Variants in CCDC152 observed in about 807,000 individuals in gnomAD.
The protein encoded by CCDC152 is coiled-coil domain-containing protein 152.
CCDC152 carries 37 observed loss-of-function variants against 38.1 expected under a neutral mutation model. That is an observed-to-expected ratio of 0.97 (90% CI 0.75 to 1.28). The LOEUF is 1.28. CCDC152 is among the 50% of genes most tolerant of loss of function. The pLI, the probability that CCDC152 is intolerant of heterozygous loss-of-function variation, is 0.00. For missense variants in CCDC152, 259 were observed against 292.1 expected (o/e 0.89, Z 0.83); for synonymous variants, 83 against 87.1 (o/e 0.95, Z 0.26).
At chr5:42,762,074 A>G (rs1453078912) in intron 2 of CCDC152, among the ~76,000 whole-genome samples, 2 of 152,220 alleles carry the variant, frequency 1.3e-5, no homozygotes, top group South Asian at 2.1e-4. Flanking sequence ...GCTTTATGGT[A>G]TAGCCTACTG....
chr5:42,768,607 T>C (rs1291561094), intron 3 of CCDC152, among the ~76,000 whole-genome samples: 3 of 152,240 alleles, frequency 2.0e-5, no homozygotes, highest in Non-Finnish European at 4.4e-5. Flanking sequence ...GAACACTACT[T>C]ACTGAGTTTT....
chr5:42,769,717 C>A, intron 4 of CCDC152, 52 bp downstream of exon 4: 3 of 1,435,150 alleles, frequency 2.1e-6, no homozygotes, highest in Non-Finnish European at 2.8e-6. Context: ...ATTTGAGCAC[C>A]TTTAAAAATA....
chr5:42,795,422 A>G (rs576696806), intron 6 of CCDC152, among the ~76,000 whole-genome samples: 1 of 152,348 alleles, frequency 6.6e-6, no homozygotes, highest in African/African-American at 2.4e-5. Context: ...CAAATCCACA[A>G]TCATAATGAG....
At chr5:42,757,078 A>C (rs1759489345) in intron 1 of CCDC152, among the ~76,000 whole-genome samples, 193 bp downstream of exon 1, 1 of 141,056 alleles carries the variant, frequency 7.1e-6, no homozygotes, top group Admixed American at 7.3e-5. Context: ...GCGATTCGAA[A>C]CTCCCGCTTT....
At chr5:42,792,163 A>G (rs1204676235) in intron 6 of CCDC152, among the ~76,000 whole-genome samples, 1 of 152,188 alleles carries the variant, frequency 6.6e-6, no homozygotes, top group African/African-American at 2.4e-5. Context: ...TCTATTTTTC[A>G]GGATCTCAGG....
intron 4 of CCDC152, among the ~76,000 whole-genome samples, chr5:42,778,252 T>C (rs781253895): frequency 6.6e-6 from 1 of 152,180 alleles, no homozygotes; most frequent in Non-Finnish European, 1.5e-5. Flanking sequence ...CTGCATATAT[T>C]TGCTACAACC....
At chr5:42,773,053 T>A (rs544128666) in intron 4 of CCDC152, among the ~76,000 whole-genome samples, 15 of 152,348 alleles carry the variant, frequency 9.8e-5, no homozygotes, top group Admixed American at 8.5e-4. Flanking sequence ...TAAGACTGTA[T>A]ATAATGCCTA....
At chr5:42,774,436 G>A (rs1227201931) in intron 4 of CCDC152, among the ~76,000 whole-genome samples, 1 of 152,158 alleles carries the variant, frequency 6.6e-6, no homozygotes, top group East Asian at 1.9e-4. Flanking sequence ...TCTTAACAAA[G>A]CCTGACTTGA....
At chr5:42,787,102 G>A (rs554448291) in intron 6 of CCDC152, among the ~76,000 whole-genome samples, 26 of 152,112 alleles carry the variant, frequency 1.7e-4, no homozygotes, top group African/African-American at 5.5e-4. Flanking sequence ...ATGCACAGAT[G>A]AGAAAAAATG....
chr5:42,786,641 T>C (rs1017881449), intron 6 of CCDC152, among the ~76,000 whole-genome samples: 2 of 152,076 alleles, frequency 1.3e-5, no homozygotes, highest in African/African-American at 4.8e-5. Flanking sequence ...TTCATCTCAT[T>C]TTCACTTAGT....
chr5:42,794,691 T>C (rs147440532), intron 6 of CCDC152, among the ~76,000 whole-genome samples: 89 of 152,258 alleles, frequency 5.8e-4, no homozygotes, highest in African/African-American at 2.1e-3. Context: ...TTAGAACATA[T>C]AGACAAGGGA....
At chr5:42,788,550 G>A (rs563212917) in intron 6 of CCDC152, among the ~76,000 whole-genome samples, 19 of 152,144 alleles carry the variant, frequency 1.2e-4, no homozygotes, top group South Asian at 6.2e-4. Context: ...ATGAGCCACC[G>A]TGCCTGGTCC....
At chr5:42,768,325 G>A (rs1447420326) in intron 3 of CCDC152, among the ~76,000 whole-genome samples, 1 of 152,128 alleles carries the variant, frequency 6.6e-6, no homozygotes, top group East Asian at 1.9e-4. Context: ...AAATATTTGT[G>A]GATTGCCTAC....
At chr5:42,773,604 C>T (rs575222673) in intron 4 of CCDC152, among the ~76,000 whole-genome samples, 3 of 152,158 alleles carry the variant, frequency 2.0e-5, no homozygotes, top group Admixed American at 2.0e-4. Flanking sequence ...CAAACTAATC[C>T]TTTCAAAATG....
chr5:42,779,872 C>T (rs1336371373), intron 5 of CCDC152, among the ~76,000 whole-genome samples: 1 of 151,932 alleles, frequency 6.6e-6, no homozygotes, highest in African/African-American at 2.4e-5. Flanking sequence ...TACTTGTGAA[C>T]TTTCTTATTA....
chr5:42,795,996 A>G (rs962283410), intron 6 of CCDC152, among the ~76,000 whole-genome samples: 1 of 151,314 alleles, frequency 6.6e-6, no homozygotes, highest in South Asian at 2.1e-4. Flanking sequence ...AAGGACAAAA[A>G]ACCAAACACC....
chr5:42,761,749 A>G (rs1759556707), intron 2 of CCDC152, among the ~76,000 whole-genome samples: 1 of 152,270 alleles, frequency 6.6e-6, no homozygotes, highest in Non-Finnish European at 1.5e-5. Flanking sequence ...CTGTACAGTC[A>G]TAAAATATTT....
At chr5:42,784,938 T>C (rs760117550) in intron 6 of CCDC152, among the ~76,000 whole-genome samples, 1 of 152,226 alleles carries the variant, frequency 6.6e-6, no homozygotes, top group Non-Finnish European at 1.5e-5. Flanking sequence ...ATTTCTGGGT[T>C]CTTTATTCTG....
At position 42,801,126 on chromosome 5, in the gene CCDC152, T is replaced by G. The variant is rs767112818; in HGVS notation, c.*1345T>G. ...CTGCCTATGCTGACCCTTGTGCTTA[T>G]GGTGGTGATGAAGGCCTGGAGGAGC... On this transcript the variant is annotated 3_prime_UTR_variant, in exon 9 of 9. Transcript: ENST00000361970. The G allele has an allele frequency of 1.2e-6, 2 of 1,614,020 alleles. No homozygotes were observed. The highest frequency in any genetic ancestry group is 2.7e-5 in the African/African-American group (2 of 74,916).
Sources: gnomAD v4.1 joint callset for allele counts (sites outside exome capture counted in the v4.1 genomes callset) on GRCh38, gnomAD v4.1.1 for gene constraint, MANE v1.5 for transcripts, NCBI Gene and HGNC (gene_info 2026-07-23, HGNC 2026-07-21) for gene names.